TRIP12: variants seen among roughly 807,000 people sequenced by gnomAD.
TRIP12 encodes thyroid hormone receptor interactor 12.
A neutral mutation model predicts 244.2 loss-of-function variants in TRIP12; 25 were observed. The observed-to-expected ratio is 0.10, with a 90% confidence interval of 0.07 to 0.14. TRIP12 has a LOEUF of 0.14. TRIP12 is among the 10% of genes least tolerant of loss of function. TRIP12 has a pLI of 1.00. For synonymous variants in TRIP12, 905 were observed against 873.1 expected, an observed-to-expected ratio of 1.04 and a Z score of -0.64; for missense variants, 1,677 against 2,486.4, an observed-to-expected ratio of 0.67 and a Z score of 6.92.
At chr2:229,800,401 A>G (rs1451997607) in intron 21 of TRIP12, among the ~76,000 whole-genome samples, 1 of 152,182 alleles carries the variant, frequency 6.6e-6, no homozygotes, top group Non-Finnish European at 1.5e-5. Context: ...AATAAGATGA[A>G]AAGGCTGAAA....
intron 32 of TRIP12, among the ~76,000 whole-genome samples, chr2:229,788,305 A>G (rs1309339226): frequency 6.6e-6 from 1 of 152,092 alleles, no homozygotes; most frequent in Non-Finnish European, 1.5e-5. Context: ...TATGACCACC[A>G]CCTTCATGAG....
intron 33 of TRIP12, among the ~76,000 whole-genome samples, chr2:229,786,805 C>G (rs60188605): frequency 0.014 from 2,140 of 152,062 alleles, 52 homozygotes; most frequent in African/African-American, 0.048. Context: ...CCATCTAACT[C>G]CTTTATTTTA....
intron 1 of TRIP12, among the ~76,000 whole-genome samples, chr2:229,901,191 C>T (rs1305106030): frequency 6.6e-6 from 1 of 151,500 alleles, no homozygotes; most frequent in African/African-American, 2.4e-5. Flanking sequence ...GCCTCACCCT[C>T]CCAAAGTGCT....
At chr2:229,806,765 G>C (rs559412362) in intron 17 of TRIP12, among the ~76,000 whole-genome samples, 3 of 152,248 alleles carry the variant, frequency 2.0e-5, no homozygotes, top group Non-Finnish European at 4.4e-5. Context: ...GATTTTATGA[G>C]GTAAGTCATT....
chr2:229,861,169 T>G (rs764859363), intron 2 of TRIP12, among the ~76,000 whole-genome samples: 17 of 152,194 alleles, frequency 1.1e-4, no homozygotes, highest in Admixed American at 2.0e-4. Flanking sequence ...TGGAGAAATA[T>G]GGAATTTACC....
At chr2:229,921,358 TCC>T in intron 1 of TRIP12, 1 of 152,804 alleles carries the variant, frequency 6.5e-6, no homozygotes. Flanking sequence ...AGTTTCCATT[TCC>T]GGGCCGTCCA....
chr2:229,832,467 T>C (rs2053698485), intron 6 of TRIP12, among the ~76,000 whole-genome samples: 2 of 152,232 alleles, frequency 1.3e-5, no homozygotes, highest in Non-Finnish European at 2.9e-5. Flanking sequence ...ACTGAAGTTG[T>C]ATAAAGGCTG....
At chr2:229,852,560 A>G (rs960350166) in intron 4 of TRIP12, among the ~76,000 whole-genome samples, 1 of 152,234 alleles carries the variant, frequency 6.6e-6, no homozygotes, top group Non-Finnish European at 1.5e-5. Context: ...AGGCTAAACA[A>G]GAGACAGCTA....
chr2:229,768,784 C>T, intron 40 of TRIP12, 65 bp from the exon 41 acceptor site: 1 of 1,357,564 alleles, frequency 7.4e-7, no homozygotes, highest in Non-Finnish European at 1.0e-6. Flanking sequence ...AATCACACTG[C>T]ATCGCATCAC....
chr2:229,847,332 C>A (rs577130919), intron 4 of TRIP12, among the ~76,000 whole-genome samples: 2 of 152,300 alleles, frequency 1.3e-5, no homozygotes, highest in South Asian at 4.1e-4. Flanking sequence ...TATTTCAGAG[C>A]CTGGCCACAT....
intron 18 of TRIP12, among the ~76,000 whole-genome samples, chr2:229,805,121 G>A (rs1430266802): frequency 6.6e-6 from 1 of 151,976 alleles, no homozygotes; most frequent in Non-Finnish European, 1.5e-5. Flanking sequence ...TAGCCAGGAT[G>A]GTCTCCATCT....
chr2:229,917,761 A>G (rs909423072), intron 1 of TRIP12, among the ~76,000 whole-genome samples: 2 of 152,192 alleles, frequency 1.3e-5, no homozygotes, highest in African/African-American at 4.8e-5. Context: ...TGGCATGATC[A>G]TAACTATTAA....
At chr2:229,769,853 C>T (rs1395396027) in intron 39 of TRIP12, among the ~76,000 whole-genome samples, 1 of 152,132 alleles carries the variant, frequency 6.6e-6, no homozygotes. Context: ...GTATGGGGAC[C>T]AACCCAGATA....
intron 1 of TRIP12, among the ~76,000 whole-genome samples, chr2:229,905,024 C>G (rs563211607): frequency 3.4e-4 from 52 of 152,262 alleles, no homozygotes; most frequent in Non-Finnish European, 5.9e-4. Flanking sequence ...CCTGTAATCC[C>G]AGCACTTCAG....
intron 2 of TRIP12, among the ~76,000 whole-genome samples, chr2:229,879,292 T>C (rs147811205): frequency 1.3e-5 from 2 of 152,264 alleles, no homozygotes; most frequent in East Asian, 3.9e-4. Context: ...AAGCTAAACG[T>C]AATCAATGTT....
chr2:229,799,503 G>A (rs1225019982), intron 21 of TRIP12, 120 bp from the exon 22 acceptor site: 16 of 884,950 alleles, frequency 1.8e-5, no homozygotes, highest in East Asian at 7.9e-5. Context: ...CAGGCCGGGC[G>A]CGGTGGCTCA....
chr2:229,884,578 G>A (rs898701560), intron 1 of TRIP12, among the ~76,000 whole-genome samples: 17 of 151,922 alleles, frequency 1.1e-4, no homozygotes, highest in African/African-American at 3.9e-4. Context: ...AATATCATAC[G>A]CACACAAAGA....
chr2:229,858,286 C>G (rs2154335375), intron 4 of TRIP12, among the ~76,000 whole-genome samples: 1 of 152,180 alleles, frequency 6.6e-6, no homozygotes, highest in African/African-American at 2.4e-5. Flanking sequence ...TTGCTTAAGC[C>G]CAGGAGGCGG....
chr2:229,819,040 CCACACACACACACACACACACA>C (rs370625320), intron 8 of TRIP12, among the ~76,000 whole-genome samples: 28 of 133,962 alleles, frequency 2.1e-4, no homozygotes, highest in African/African-American at 3.8e-4. Context: ...AAAATAAAAA[CCACACACACACACACACACACA>C]CACACACACA....
Sources: gnomAD v4.1 joint callset for allele counts (sites outside exome capture counted in the v4.1 genomes callset) on GRCh38, gnomAD v4.1.1 for gene constraint, MANE v1.5 for transcripts, NCBI Gene and HGNC (gene_info 2026-07-23, HGNC 2026-07-21) for gene names.